LGALS1: variants seen among roughly 807,000 people sequenced by gnomAD.
LGALS1 encodes the protein galectin-1.
Under a neutral mutation model 14.4 loss-of-function variants are expected in LGALS1, and 14 were observed. The ratio of observed to expected loss-of-function variants is 0.97; its 90% CI spans 0.64 to 1.52. LGALS1 has a LOEUF of 1.52. Among genes scored for constraint, LGALS1 ranks in the 40% most tolerant of loss-of-function variants. LGALS1 has a pLI of 0.00. For missense variants in LGALS1, 170 were observed against 181.4 expected (o/e 0.94, Z 0.36); for synonymous variants, 71 against 73.4 (o/e 0.97, Z 0.17).
At chr22:37,678,456 G>A (rs1346115762) in intron 2 of LGALS1, 27 bp from the exon 3 acceptor site, 2 of 1,612,874 alleles carry the variant, frequency 1.2e-6, no homozygotes, top group Non-Finnish European at 1.7e-6. Flanking sequence ...GGCCGAGGTG[G>A]CCTCATGCCC....
intron 3 of LGALS1, 65 bp from the exon 4 acceptor site, chr22:37,679,538 G>A: frequency 7.0e-7 from 1 of 1,428,814 alleles, no homozygotes; most frequent in Non-Finnish European, 9.3e-7. Context: ...AGGGCCACAT[G>A]AGGAACGGGT....
chr22:37,679,195 A>G (rs1601602646), intron 3 of LGALS1, among the ~76,000 whole-genome samples: 1 of 145,744 alleles, frequency 6.9e-6, no homozygotes, highest in Non-Finnish European at 1.5e-5. Context: ...ACTTTGGGAG[A>G]CCAAAGTGGG....
chr22:37,679,363 G>A (rs1921553683), intron 3 of LGALS1, among the ~76,000 whole-genome samples: 2 of 151,600 alleles, frequency 1.3e-5, no homozygotes, highest in African/African-American at 2.4e-5. Context: ...CCTGGGAGGC[G>A]GAGGTTGCAG....
In LGALS1 at chr22:37,677,077, AGTC is replaced by A. The variant is rs753785991; in HGVS notation, c.89+14_89+16del. ...CCTGACGCTAAGAGGTGAGAAGTGA[AGTC>A]GGGGTGGTGGGCGGCAGGGACGGGC... On this transcript the variant is annotated intron_variant, in intron 2 of 3. Coordinates refer to ENST00000215909, the MANE Select transcript of LGALS1 (RefSeq NM_002305.4). 6.2e-7 allele frequency: 1 copy of A among 1,613,464 alleles called. No homozygotes were observed. The highest frequency in any genetic ancestry group is 8.5e-7 in the Non-Finnish European group (1 of 1,179,644).
intron 1 of LGALS1, among the ~76,000 whole-genome samples, chr22:37,675,932 G>C (rs2145787968): frequency 6.6e-6 from 1 of 152,268 alleles, no homozygotes; most frequent in Middle Eastern, 3.4e-3. Flanking sequence ...ATTCCTCCAG[G>C]GTCTGAAAGC....
intron 1 of LGALS1, chr22:37,676,781 C>T (rs1214110748): frequency 1.5e-6 from 1 of 650,094 alleles, no homozygotes; most frequent in Admixed American, 2.4e-5. Flanking sequence ...AAGCCAACCC[C>T]GGTGGGAATA....
chr22:37,678,333 T>G (rs1181957969), intron 2 of LGALS1, 150 bp from the exon 3 acceptor site: 1 of 815,784 alleles, frequency 1.2e-6, no homozygotes, highest in South Asian at 1.5e-5. Context: ...CAGGAGCAGG[T>G]GGCATGGCCA....
chr22:37,676,968 C>A lies in LGALS1; in HGVS notation c.10-18C>A. The A allele has an allele frequency of 6.2e-7, 1 of 1,613,972 alleles. No individual in the cohort carries two copies. Among genetic ancestry groups the A allele is most frequent in the Non-Finnish European group, 8.5e-7 (1 of 1,179,974 alleles). On this transcript the variant is annotated intron_variant, in intron 1 of 3. Coordinates refer to ENST00000215909, the MANE Select transcript of LGALS1 (RefSeq NM_002305.4). ...GCCTTGTCCTCTAACCCGGCTGGGCCGGGGCTTGTCTGTGCAGGGTCTGGT... is the reference window on the plus strand; with the variant it reads ...GCCTTGTCCTCTAACCCGGCTGGGCAGGGGCTTGTCTGTGCAGGGTCTGGT...
chr22:37,677,238 G>A, intron 2 of LGALS1, 173 bp downstream of exon 2: 1 of 626,570 alleles, frequency 1.6e-6, no homozygotes, highest in South Asian at 1.9e-5. Context: ...CGCCCCCACC[G>A]TTGCCGCCCC....
intron 1 of LGALS1, chr22:37,676,093 C>G: frequency 5.5e-6 from 1 of 181,306 alleles, no homozygotes; most frequent in Non-Finnish European, 1.2e-5. Context: ...TGCAGCTGTC[C>G]CGGTCACCAG....
At chr22:37,676,734 T>C in intron 1 of LGALS1, 1 of 559,926 alleles carries the variant, frequency 1.8e-6, no homozygotes, top group South Asian at 2.0e-5. Context: ...CAAAATCTTC[T>C]AGAGCCTGTC....
rs767880851 is a variant in LGALS1, at chr22:37,679,714, G to T, written c.373G>T (p.Gly125Cys). The T allele has an allele frequency of 6.2e-7, 1 of 1,607,992 alleles. No homozygotes were observed. The highest frequency in any genetic ancestry group is 8.5e-7 in the Non-Finnish European group (1 of 1,177,232). ...LEAINYMAAD[G>C]DFKIKCVAFD ...GGCCATCAACTACATGGCAGCTGAC[G>T]GTGACTTCAAGATCAAATGTGTGGC... Residue 125 changes from glycine (G) to cysteine (C), a missense_variant, in exon 4 of 4, where the codon GGT (glycine) becomes TGT (cysteine). Physicochemically the swap from Gly to Cys is radical, Grantham distance 159. Coordinates refer to ENST00000215909, the MANE Select transcript of LGALS1 (RefSeq NM_002305.4).
intron 2 of LGALS1, 160 bp downstream of exon 2, chr22:37,677,225 G>T: frequency 1.4e-6 from 1 of 692,240 alleles, no homozygotes; most frequent in East Asian, 2.7e-5. Flanking sequence ...CGCAGGGTCT[G>T]GGCGCCCCCA....
rs1921565110 is a variant in LGALS1 at position 37,679,621 on chromosome 22, C to G, written c.280C>G (p.Gln94Glu). 6.2e-7 allele frequency: 1 copy of G among 1,606,944 alleles called. No individual in the cohort carries two copies. The highest frequency in any genetic ancestry group is 1.1e-5 in the South Asian group (1 of 89,622). Residue 94 changes from glutamine (Q) to glutamate (E), a missense_variant, in exon 4 of 4, where the codon CAG becomes GAG. Transcript: ENST00000215909. ...CCCCCAGGTGTGCATCACCTTCGAC[C>G]AGGCCAACCTGACCGTCAAGCTGCC... Reference protein sequence around the residue: ...SVAEVCITFDQANLTVKLPDG... With the variant: ...SVAEVCITFDEANLTVKLPDG...
intron 2 of LGALS1, among the ~76,000 whole-genome samples, chr22:37,678,034 G>A (rs765104128): frequency 3.3e-5 from 5 of 152,100 alleles, no homozygotes; most frequent in South Asian, 2.1e-4. Flanking sequence ...CTGCCCGCTC[G>A]CCTCGGCCTC....
intron 1 of LGALS1, 112 bp downstream of exon 1, chr22:37,675,823 C>A: frequency 3.1e-6 from 3 of 975,118 alleles, no homozygotes; most frequent in Non-Finnish European, 4.3e-6. Flanking sequence ...TGGCCTGGAA[C>A]CAGTGCCTTC....
rs1433423577 is a variant in LGALS1 at position 37,677,049 on chromosome 22, G to T, written c.73G>T (p.Ala25Ser). 5.0e-6 allele frequency: 8 copies of T among 1,613,998 alleles called. No individual in the cohort carries two copies. The highest frequency in any genetic ancestry group is 1.1e-5 in the South Asian group (1 of 91,086). Residue 25 changes from alanine to serine, a missense_variant, in exon 2 of 4, where the codon GCT becomes TCT. Coordinates refer to ENST00000215909, the MANE Select transcript of LGALS1 (RefSeq NM_002305.4). ...GECLRVRGEVAPDAKSFVLNL... is the reference protein window; with the variant it reads ...GECLRVRGEVSPDAKSFVLNL... ...GTGCCTTCGAGTGCGAGGCGAGGTG[G>T]CTCCTGACGCTAAGAGGTGAGAAGT...
chr22:37,676,829 G>C (rs1387942545), intron 1 of LGALS1, 157 bp from the exon 2 acceptor site: 2 of 770,570 alleles, frequency 2.6e-6, no homozygotes, highest in Non-Finnish European at 4.6e-6. Flanking sequence ...TCGGAGGCTG[G>C]AAATTACAGC....
chr22:37,677,107 TG>T (rs758111084), intron 2 of LGALS1, 42 bp downstream of exon 2: 1 of 1,599,962 alleles, frequency 6.3e-7, no homozygotes, highest in African/African-American at 1.3e-5. Context: ...GGGACGGGCT[TG>T]GTCCAGCAGG....
Sources: allele counts gnomAD v4.1 joint callset (sites outside exome capture counted in the v4.1 genomes callset), GRCh38; gene constraint gnomAD v4.1.1; transcripts MANE v1.5; gene names NCBI Gene and HGNC (gene_info 2026-07-23, HGNC 2026-07-21).